The following CD4 variants were observed in gnomAD, a reference collection of about 807,000 sequenced individuals.
CD4 encodes the protein CD4 molecule.
In CD4, 25 loss-of-function variants were observed where a neutral mutation model predicts 50.5. That is an observed-to-expected ratio of 0.49 (90% confidence interval 0.36 to 0.69). CD4 has a LOEUF of 0.69. Among genes scored for constraint, CD4 ranks in the 30% least tolerant of loss-of-function variants. The pLI is 0.00. For synonymous variants in CD4, 207 were observed against 221.9 expected (o/e 0.93, Z 0.60); for missense variants, 456 against 548.5 (o/e 0.83, Z 1.68).
Position 6,792,756 on chromosome 12 carries a change from G to C in CD4, c.-68+3094G>C, listed in dbSNP as rs2137829037. ...ACAGACCGGAAGGAGCTAGAGCTTA[G>C]TGGCAGCCTGAGAGGGGAAGCTGAA... On this transcript the variant is annotated intron_variant, in intron 1 of 9. Transcript: ENST00000011653. This position sits in a 1 kb window ranked among gnomAD's most constrained non-coding sequence, Gnocchi z 4.1. Among the ~76,000 whole-genome samples the C allele has an allele frequency of 6.6e-6, 1 of 152,330 alleles. No individual in the cohort carries two copies. Among genetic ancestry groups the C allele is most frequent in the Middle Eastern group, 3.4e-3 (1 of 294 alleles).
rs1303446975 is a variant in CD4, at chr12:6,817,262, C to T, written c.1088C>T (p.Pro363Leu). 1 of 1,599,986 alleles carries T rather than the reference C, an allele frequency of 6.3e-7. No individual in the cohort carries two copies. The highest frequency in any genetic ancestry group is 1.3e-5 in the African/African-American group (1 of 74,628). Residue 363 changes from proline to leucine, a missense_variant, in exon 7 of 10, where the codon CCT becomes CTT. Transcript: ENST00000011653. ...KREKAVWVLN[P>L]EAGMWQCLLS... The stretch of plus-strand genomic sequence containing the variant: ...GAGAAGGCGGTGTGGGTGCTGAACC[C>T]TGAGGCGGGGATGTGGCAGTGTCTG...
At position 6,818,513 on chromosome 12, in the gene CD4, T is replaced by G. The variant is rs1555118483; in HGVS notation, c.1249T>G (p.Phe417Val). ...CCTGCTTTTCATTGGGCTAGGCATCTTCTTCTGTGTCAGGTGCCGGCACCG... is the reference window on the plus strand; with the variant it reads ...CCTGCTTTTCATTGGGCTAGGCATCGTCTTCTGTGTCAGGTGCCGGCACCG... ...GLLLFIGLGI[F>V]FCVRCRHRRR... Residue 417 changes from phenylalanine to valine, a missense_variant, in exon 8 of 10, where the codon TTC becomes GTC. By Grantham distance (50) the Phe-to-Val change is conservative (BLOSUM62 -1). Transcript: ENST00000011653. This position sits in a 1 kb window ranked among gnomAD's most constrained non-coding sequence, Gnocchi z 5.0. The G allele has an allele frequency of 1.2e-6, 2 of 1,612,990 alleles. No homozygotes were observed. The highest frequency in any genetic ancestry group is 1.7e-6 in the Non-Finnish European group (2 of 1,180,026).
rs1279580167 is a variant in CD4, at chr12:6,815,068, CT to C, written c.607+77del. ...AGCCCCTCCCTCTGCTCTGACTGCC[CT>C]GTTTCTGGTTCTGGTGCTGGGAGGT... On this transcript the variant is annotated intron_variant, in intron 5 of 9. Transcript: ENST00000011653. 119 of 1,008,226 alleles carry C rather than the reference CT, an allele frequency of 1.2e-4. 2 individuals are homozygous for C. In the South Asian group the frequency reaches 1.3e-3, roughly 11 times the overall value. 62.5% of individuals were successfully genotyped at this position (1,008,226 alleles called of 1,614,324 possible).
At chr12:6,807,928 A>C (rs1246160686) in intron 3 of CD4, among the ~76,000 whole-genome samples, 1 of 151,884 alleles carries the variant, frequency 6.6e-6, no homozygotes, top group African/African-American at 2.4e-5. Flanking sequence ...AAAAATACAA[A>C]AATTAGCTGG....
rs200552269 is a variant in CD4, at chr12:6,815,001, A to G, written c.607+9A>G. 1.4e-5 allele frequency: 22 copies of G among 1,592,640 alleles called. No homozygotes were observed. The highest frequency in any genetic ancestry group is 1.8e-5 in the Non-Finnish European group (21 of 1,162,392). ...AGACATCGTGGTGCTAGGTAAGGGAAGCCCCTCTTCGCGCAGTCTCCTCCC... is the reference window on the plus strand; with the variant it reads ...AGACATCGTGGTGCTAGGTAAGGGAGGCCCCTCTTCGCGCAGTCTCCTCCC... On this transcript the variant is annotated intron_variant, in intron 5 of 9. Coordinates refer to ENST00000011653, the MANE Select transcript of CD4 (RefSeq NM_000616.5).
chr12:6,792,127 G>T lies in CD4; in HGVS notation c.-68+2465G>T, dbSNP rs566550944. Among the ~76,000 whole-genome samples the T allele has an allele frequency of 2.6e-5, 4 of 152,306 alleles. No individual in the cohort carries two copies. The highest frequency in any genetic ancestry group is 6.5e-5 in the Admixed American group (1 of 15,298). ...ATAGGAAGCTAGTCAGCAGTAGAGA[G>T]GGTGAACGCGGTGGGGCACATCCCG... is the stretch of plus-strand genomic sequence containing the variant. On this transcript the variant is annotated intron_variant, in intron 1 of 9. Coordinates refer to ENST00000011653, the MANE Select transcript of CD4 (RefSeq NM_000616.5). The surrounding 1 kb of genome is among the most constrained non-coding windows in gnomAD (Gnocchi z 4.1).
chr12:6,817,466 G>T (rs1247150074), intron 7 of CD4, 136 bp downstream of exon 7: 1 of 749,646 alleles, frequency 1.3e-6, no homozygotes, highest in Admixed American at 2.6e-5. Flanking sequence ...GTGGTCCCAG[G>T]GTGCTTTGGA....
At position 6,819,371 on chromosome 12, in the gene CD4, G is replaced by A; in HGVS notation, c.*42G>A. The A allele has an allele frequency of 1.2e-6, 2 of 1,603,038 alleles. No homozygotes were observed. The highest frequency in any genetic ancestry group is 1.7e-6 in the Non-Finnish European group (2 of 1,170,026). ...GATCCCACTTGCAGCCTCCCCAGGT[G>A]TCTGCCCCGCGTTTCCTGCCTGCGG... On this transcript the variant is annotated 3_prime_UTR_variant, in exon 10 of 10. Coordinates refer to ENST00000011653, the MANE Select transcript of CD4 (RefSeq NM_000616.5).
In CD4 at chr12:6,815,012, G is replaced by T; in HGVS notation, c.607+20G>T. On this transcript the variant is annotated intron_variant, in intron 5 of 9. Transcript: ENST00000011653. ...TGCTAGGTAAGGGAAGCCCCTCTTCGCGCAGTCTCCTCCCTGCCCCAGGGG... is the reference window on the plus strand; with the variant it reads ...TGCTAGGTAAGGGAAGCCCCTCTTCTCGCAGTCTCCTCCCTGCCCCAGGGG... The T allele has an allele frequency of 3.2e-6, 5 of 1,539,890 alleles. No homozygotes were observed. The highest frequency in any genetic ancestry group is 3.6e-6 in the Non-Finnish European group (4 of 1,117,812).
intron 5 of CD4, chr12:6,815,707 A>T: frequency 1.5e-6 from 2 of 1,323,076 alleles, no homozygotes; most frequent in Non-Finnish European, 2.0e-6. Flanking sequence ...GCCCTAGTTA[A>T]GTGTTCGCTG....
At chr12:6,791,447 T>C (rs2027796) in intron 1 of CD4, among the ~76,000 whole-genome samples, 43,158 of 151,858 alleles carry the variant, frequency 0.28, 6,679 homozygotes, top group South Asian at 0.41. Flanking sequence ...TTCACTATGT[T>C]GGACAGGCTG....
At chr12:6,811,496 T>TC (rs1274736078) in intron 3 of CD4, among the ~76,000 whole-genome samples, 1 of 139,564 alleles carries the variant, frequency 7.2e-6, no homozygotes, top group Non-Finnish European at 1.6e-5. Context: ...TTTTTCTTTT[T>TC]TTTTTTTTTT....
chr12:6,801,370 A>T (rs1942539783), intron 3 of CD4, among the ~76,000 whole-genome samples: 1 of 150,148 alleles, frequency 6.7e-6, no homozygotes. Flanking sequence ...TACAAAAATT[A>T]GCCAGGTGTG....
chr12:6,817,746 C>A (rs1177916578), intron 7 of CD4, among the ~76,000 whole-genome samples: 1 of 140,942 alleles, frequency 7.1e-6, no homozygotes, highest in Non-Finnish European at 1.5e-5. Context: ...CACACTCGCA[C>A]ACACTCATAC....
At chr12:6,806,004 G>C (rs2079650615) in intron 3 of CD4, among the ~76,000 whole-genome samples, 1 of 151,324 alleles carries the variant, frequency 6.6e-6, no homozygotes, top group Non-Finnish European at 1.5e-5. Context: ...TCCCTATTAA[G>C]AAGAAGAAAA....
intron 3 of CD4, among the ~76,000 whole-genome samples, chr12:6,803,843 G>T (rs1291887413): frequency 6.6e-6 from 1 of 151,268 alleles, no homozygotes; most frequent in African/African-American, 2.4e-5. Context: ...CAGGAGTGGT[G>T]GCTCACGCCT....
At chr12:6,806,185 ACAC>A (rs2137884692) in intron 3 of CD4, among the ~76,000 whole-genome samples, 1 of 78,762 alleles carries the variant, frequency 1.3e-5, no homozygotes, top group Non-Finnish European at 3.4e-5. Flanking sequence ...ACACACACAT[ACAC>A]AAGTATATAC....
At position 6,815,014 on chromosome 12, in the gene CD4, G is replaced by A. The variant is rs782082944; in HGVS notation, c.607+22G>A. Reference sequence around the variant, plus strand: ...CTAGGTAAGGGAAGCCCCTCTTCGCGCAGTCTCCTCCCTGCCCCAGGGGCT... The same window carrying A: ...CTAGGTAAGGGAAGCCCCTCTTCGCACAGTCTCCTCCCTGCCCCAGGGGCT... On this transcript the variant is annotated intron_variant, in intron 5 of 9. Coordinates refer to ENST00000011653, the MANE Select transcript of CD4 (RefSeq NM_000616.5). The A allele has an allele frequency of 7.2e-6, 11 of 1,523,722 alleles. No homozygotes were observed. In the African/African-American group the frequency reaches 1.2e-4, roughly 17 times the overall value. 94.4% of individuals were successfully genotyped at this position (1,523,722 alleles called of 1,614,324 possible). A position where few individuals can be genotyped will look rare whatever the true frequency, so the allele number is the denominator to read the frequency against.
intron 3 of CD4, among the ~76,000 whole-genome samples, chr12:6,805,015 C>CA (rs34087134): frequency 0.018 from 1,711 of 96,872 alleles, 23 homozygotes; most frequent in East Asian, 0.032. Context: ...GACTACGTCT[C>CA]AAAAAAAAAA....
Sources: gnomAD v4.1 joint callset for allele counts (sites outside exome capture counted in the v4.1 genomes callset) on GRCh38, gnomAD v4.1.1 for gene constraint, Gnocchi (gnomAD v3.1) non-coding constraint, MANE v1.5 for transcripts, NCBI Gene and HGNC (gene_info 2026-07-23, HGNC 2026-07-21) for gene names.